The following NLRC5 variants were observed in gnomAD, a reference collection of about 807,000 sequenced individuals.
The protein encoded by NLRC5 is NLR family CARD domain containing 5.
In NLRC5, 114 loss-of-function variants were observed where a neutral mutation model predicts 206.9. The ratio of observed to expected loss-of-function variants is 0.55; its 90% CI spans 0.47 to 0.64. NLRC5 has a LOEUF of 0.64. Ranked by LOEUF, NLRC5 falls within the 30% of genes least tolerant of loss-of-function variation. The pLI, the probability that NLRC5 is intolerant of heterozygous loss-of-function variation, is 0.00. For synonymous variants in NLRC5, 952 were observed against 962.8 expected (o/e 0.99, Z 0.21); for missense variants, 2,008 against 2,305.5 (o/e 0.87, Z 2.64).
At chr16:57,049,071 C>T (rs138833169) in intron 23 of NLRC5, among the ~76,000 whole-genome samples, 7 of 151,296 alleles carry the variant, frequency 4.6e-5, no homozygotes, top group Admixed American at 4.6e-4. Flanking sequence ...TTGGGCCACA[C>T]ATAAAATACA....
chr16:57,024,482 T>C (rs1225694947), intron 5 of NLRC5, among the ~76,000 whole-genome samples: 1 of 152,172 alleles, frequency 6.6e-6, no homozygotes, highest in East Asian at 1.9e-4. Context: ...CCTTTCCCCA[T>C]AGGGTTCCCC....
In NLRC5 at chr16:57,025,468, C is replaced by A; in HGVS notation, c.525C>A (p.Val175=). ...GGCAGCCCCACGCCTTCCACCAGGTCTATGTCCCTCCAATCCTGCGCCGGG... is the reference window on the plus strand; with the variant it reads ...GGCAGCCCCACGCCTTCCACCAGGTATATGTCCCTCCAATCCTGCGCCGGG... ...GSGQPHAFHQ[V]YVPPILRRAT... The change falls in exon 6 of 49, where the codon GTC becomes GTA. Residue 175 remains valine (V), a synonymous_variant. Transcript: ENST00000688547. The A allele has an allele frequency of 6.2e-7, 1 of 1,612,546 alleles. No homozygotes were observed. Among genetic ancestry groups the A allele is most frequent in the South Asian group, 1.1e-5 (1 of 90,816 alleles).
chr16:57,033,488 G>A (rs1233178621), intron 11 of NLRC5, 116 bp from the exon 12 acceptor site: 11 of 895,196 alleles, frequency 1.2e-5, no homozygotes, highest in South Asian at 2.7e-5. Flanking sequence ...CTTTGTTACC[G>A]ACTCACTTTG....
rs181137036 is a variant in NLRC5 at position 57,007,279 on chromosome 16, G to A, written c.-127-9795G>A. Among the ~76,000 whole-genome samples the A allele has an allele frequency of 2.0e-5, 3 of 152,334 alleles. No homozygotes were observed. In the East Asian group the frequency reaches 5.8e-4, roughly 29 times the overall value. Reference sequence around the variant, plus strand: ...ACACTCCACGTCCACGTGGAATGATGCAAAGCATCTAAGTGCCCGTTAATT... The same window carrying A: ...ACACTCCACGTCCACGTGGAATGATACAAAGCATCTAAGTGCCCGTTAATT... On this transcript the variant is annotated intron_variant, in intron 1 of 48. Coordinates refer to ENST00000688547, the MANE Select transcript of NLRC5 (RefSeq NM_001384950.1).
chr16:57,012,261 T>C (rs139238232), intron 1 of NLRC5, among the ~76,000 whole-genome samples: 2 of 152,368 alleles, frequency 1.3e-5, no homozygotes, highest in Non-Finnish European at 2.9e-5. Context: ...CATGAGCTTT[T>C]GGGTATTTGG....
In NLRC5 at chr16:57,070,622, AG is replaced by A. The variant is rs2067528996; in HGVS notation, c.4667+5del. 2 of 1,613,342 alleles carry A rather than the reference AG, an allele frequency of 1.2e-6. No individual in the cohort carries two copies. The highest frequency in any genetic ancestry group is 4.5e-5 in the East Asian group (2 of 44,888). On this transcript the variant is annotated splice_donor_5th_base_variant and intron_variant, in intron 38 of 48. Coordinates refer to ENST00000688547, the MANE Select transcript of NLRC5 (RefSeq NM_001384950.1). ...AATGGATGCTAAAGAGGCTGGAGTA[AG>A]TAGTGATGGTGGTTGTGGGTGAGTG...
intron 1 of NLRC5, among the ~76,000 whole-genome samples, chr16:56,991,655 C>T (rs961317185): frequency 6.3e-5 from 9 of 143,042 alleles, no homozygotes; most frequent in African/African-American, 1.3e-4. Context: ...GGATTATAGG[C>T]GTGAGCCATC....
intron 38 of NLRC5, among the ~76,000 whole-genome samples, chr16:57,072,046 A>G (rs79442836): frequency 0.048 from 7,304 of 152,140 alleles, 290 homozygotes; most frequent in East Asian, 0.12. Context: ...ACTCAAAGCA[A>G]TCCAAGACAG....
chr16:57,009,522 G>T (rs2059276977), intron 1 of NLRC5, among the ~76,000 whole-genome samples: 2 of 152,086 alleles, frequency 1.3e-5, no homozygotes, highest in South Asian at 2.1e-4. Flanking sequence ...GAACCTGGGA[G>T]GTGGAGGTTG....
At chr16:57,070,655 G>T (rs767989386) in intron 38 of NLRC5, 37 bp downstream of exon 38, 6 of 1,566,298 alleles carry the variant, frequency 3.8e-6, no homozygotes, top group Admixed American at 1.7e-5. Flanking sequence ...AGTGAGTGGT[G>T]GGGGTGGTTA....
chr16:57,030,934 A>G (rs1219397915), intron 10 of NLRC5, among the ~76,000 whole-genome samples: 1 of 152,170 alleles, frequency 6.6e-6, no homozygotes, highest in Non-Finnish European at 1.5e-5. Context: ...CATAGTCTCT[A>G]CAAAAAATGA....
intron 27 of NLRC5, 30 bp from the exon 28 acceptor site, chr16:57,058,035 A>G: frequency 6.3e-7 from 1 of 1,581,902 alleles, no homozygotes; most frequent in South Asian, 1.1e-5. Flanking sequence ...GGCACCTCTG[A>G]TCCCCGCCAC....
At chr16:57,034,374 G>GA in intron 13 of NLRC5, 123 bp downstream of exon 13, 1 of 706,834 alleles carries the variant, frequency 1.4e-6, no homozygotes, top group East Asian at 2.7e-5. Flanking sequence ...GAATTTGGGG[G>GA]AATCAGATCA....
chr16:57,046,878 A>T (rs2064049684), intron 22 of NLRC5, among the ~76,000 whole-genome samples: 2 of 152,202 alleles, frequency 1.3e-5, no homozygotes, highest in Non-Finnish European at 2.9e-5. Context: ...AGAAGATTCC[A>T]CATTTCTGTG....
chr16:57,063,882 G>A (rs1394572572), intron 32 of NLRC5, among the ~76,000 whole-genome samples: 1 of 151,908 alleles, frequency 6.6e-6, no homozygotes, highest in Non-Finnish European at 1.5e-5. Flanking sequence ...GGGACTACAG[G>A]TGCCCGCCAC....
intron 1 of NLRC5, among the ~76,000 whole-genome samples, chr16:57,006,380 T>C (rs2058902100): frequency 6.7e-6 from 1 of 150,352 alleles, no homozygotes; most frequent in Non-Finnish European, 1.5e-5. Flanking sequence ...TGGATACCAT[T>C]CCATATCATT....
At chr16:57,044,374 T>G (rs2063677757) in intron 20 of NLRC5, among the ~76,000 whole-genome samples, 1 of 151,720 alleles carries the variant, frequency 6.6e-6, no homozygotes, top group African/African-American at 2.4e-5. Flanking sequence ...GGACCTGTCT[T>G]AATTGTGGGA....
rs1197395382 is a variant in NLRC5, at chr16:57,023,875, A to G, written c.424+22A>G. The G allele has an allele frequency of 1.9e-6, 3 of 1,597,912 alleles. No individual in the cohort carries two copies. In the East Asian group the frequency reaches 6.7e-5, roughly 36 times the overall value. ...CTAGGTGGGTACCAGTGTGGGGAGG[A>G]ACATAAACAGAGAGATGGGGTTGCC... On this transcript the variant is annotated intron_variant, in intron 5 of 48. Transcript: ENST00000688547.
At chr16:56,994,103 A>G (rs1343573888) in intron 1 of NLRC5, among the ~76,000 whole-genome samples, 1 of 151,904 alleles carries the variant, frequency 6.6e-6, no homozygotes, top group Non-Finnish European at 1.5e-5. Flanking sequence ...AAAATGGCCA[A>G]CAGGGACCAG....
Sources: allele counts gnomAD v4.1 joint callset (sites outside exome capture counted in the v4.1 genomes callset), GRCh38; gene constraint gnomAD v4.1.1; transcripts MANE v1.5; gene names NCBI Gene and HGNC (gene_info 2026-07-23, HGNC 2026-07-21).